RYR2: variants seen among roughly 807,000 people sequenced by gnomAD.
RYR2 encodes the protein cardiac muscle ryanodine receptor-calcium release channel.
RYR2 carries 227 observed loss-of-function variants against 601.1 expected under a neutral mutation model. That is an observed-to-expected ratio of 0.38 (90% CI 0.34 to 0.42). The LOEUF (loss-of-function observed/expected upper bound fraction) is 0.42. RYR2 is among the 10% of genes least tolerant of loss of function. RYR2 has a pLI of 1.00. For synonymous variants in RYR2, 2,223 were observed against 2,175.1 expected (o/e 1.02, Z -0.61); for missense variants, 4,646 against 6,156.5 (o/e 0.75, Z 8.21).
chr1:237,819,111 G>A lies in RYR2; in HGVS notation c.14509G>A (p.Asp4837Asn). 6.2e-7 allele frequency: 1 copy of A among 1,613,708 alleles called. No homozygotes were observed. Residue 4837 changes from aspartate (D) to asparagine (N), a missense_variant, in exon 101 of 105, where the codon GAT becomes AAT. Asp to Asn is a conservative substitution (Grantham distance 23). Around this residue, in one of 17 missense-constraint regions of RYR2, gnomAD observed 55 missense variants for 204.7 expected, o/e 0.27. Transcript: ENST00000366574. This position sits in a 1 kb window ranked among gnomAD's most constrained non-coding sequence, Gnocchi z 4.0. ...GGATGAAATCGAAGACCCAGCAGGAGATGAATATGAGATCTATCGAATCAT... is the reference window on the plus strand; with the variant it reads ...GGATGAAATCGAAGACCCAGCAGGAAATGAATATGAGATCTATCGAATCAT... ...IGDEIEDPAG[D>N]EYEIYRIIFD...
At chr1:237,756,871 T>A (rs924557055) in intron 81 of RYR2, among the ~76,000 whole-genome samples, 3 of 152,214 alleles carry the variant, frequency 2.0e-5, no homozygotes, top group Non-Finnish European at 4.4e-5. Context: ...AAGCTGTAAT[T>A]TTTTTATGTA....
chr1:237,064,751 CTTTTTTTTTTTTTTTTTTTTT>C (rs551797601), intron 1 of RYR2, among the ~76,000 whole-genome samples: 1 of 110,010 alleles, frequency 9.1e-6, no homozygotes, highest in South Asian at 3.2e-4. Flanking sequence ...TAGAACCTGT[CTTTTTTTTTTTTTTTTTTTTT>C]TTTTTTTTTT....
intron 1 of RYR2, among the ~76,000 whole-genome samples, chr1:237,244,613 T>C (rs1288101666): frequency 6.6e-6 from 1 of 152,180 alleles, no homozygotes; most frequent in Non-Finnish European, 1.5e-5. Flanking sequence ...AGCTGAAATA[T>C]AAAATCCAGC....
At chr1:237,255,859 G>GTA (rs1382936242) in intron 1 of RYR2, among the ~76,000 whole-genome samples, 2 of 151,836 alleles carry the variant, frequency 1.3e-5, no homozygotes, top group African/African-American at 4.8e-5. Flanking sequence ...GTGTGTGTGT[G>GTA]TGTGTGTGTG....
At chr1:237,550,713 C>T (rs759090165) in intron 27 of RYR2, 22 bp downstream of exon 27, 2 of 1,537,362 alleles carry the variant, frequency 1.3e-6, no homozygotes, top group Non-Finnish European at 8.8e-7. Context: ...TTACTTTCCT[C>T]TTCTTCGGTT....
rs576892402 is a variant in RYR2, at chr1:237,819,767, A to G, written c.14590+575A>G. Among the ~76,000 whole-genome samples, 1,247 of 151,686 alleles carry G rather than the reference A, an allele frequency of 8.2e-3. 18 individuals carry two copies. Among genetic ancestry groups the G allele is most frequent in the Middle Eastern group, 0.01 (3 of 288 alleles). ...CGGGAGGTGGAGGTTGCAGTGAGCC[A>G]AGATCACGCCACTGCACTCCAGCCT... On this transcript the variant is annotated intron_variant, in intron 101 of 104. Coordinates refer to ENST00000366574, the MANE Select transcript of RYR2 (RefSeq NM_001035.3). The surrounding 1 kb of genome is among the most constrained non-coding windows in gnomAD (Gnocchi z 4.0).
At chr1:237,599,182 AG>A (rs1676220063) in intron 34 of RYR2, among the ~76,000 whole-genome samples, 2 of 152,158 alleles carry the variant, frequency 1.3e-5, no homozygotes, top group African/African-American at 4.8e-5. Context: ...ATGGGGGAAA[AG>A]TTGAAAGCTT....
At chr1:237,123,768 C>T (rs1429289373) in intron 1 of RYR2, among the ~76,000 whole-genome samples, 3 of 150,198 alleles carry the variant, frequency 2.0e-5, no homozygotes, top group Non-Finnish European at 3.0e-5. Flanking sequence ...CCCGGGTTCA[C>T]GCCATTCTCC....
chr1:237,350,443 TG>T (rs1473862189), intron 3 of RYR2, among the ~76,000 whole-genome samples: 1 of 150,666 alleles, frequency 6.6e-6, no homozygotes, highest in African/African-American at 2.4e-5. Context: ...TGGTGGTGTG[TG>T]CCTGCAATCC....
intron 87 of RYR2, among the ~76,000 whole-genome samples, chr1:237,777,049 G>A (rs1157188660): frequency 1.3e-5 from 2 of 152,034 alleles, no homozygotes; most frequent in East Asian, 3.9e-4. Flanking sequence ...TCTAATACCA[G>A]ACCTTATGCT....
intron 80 of RYR2, among the ~76,000 whole-genome samples, chr1:237,751,267 A>G (rs967743187): frequency 6.6e-6 from 1 of 152,194 alleles, no homozygotes; most frequent in Non-Finnish European, 1.5e-5. Context: ...GTGCTTTTTA[A>G]GGCTTAAACA....
chr1:237,663,264 T>C (rs960556510), intron 56 of RYR2, among the ~76,000 whole-genome samples: 13 of 152,228 alleles, frequency 8.5e-5, no homozygotes, highest in African/African-American at 3.1e-4. Context: ...GTTAAACCTC[T>C]TCGTCTTTTT....
Position 237,352,954 on chromosome 1 carries a change from A to G in RYR2, c.274-3011A>G, listed in dbSNP as rs1194857345. The G allele has an allele frequency of 4.6e-6, 2 of 439,154 alleles. 1 individual carries two copies. Among genetic ancestry groups the G allele is most frequent in the Admixed American group, 5.0e-5 (2 of 39,836 alleles). 27.2% of individuals were successfully genotyped at this position (439,154 alleles called of 1,614,324 possible). ...AGGTATGTCGCAACTTTCATGGGAA[A>G]GGCAAAATAATGAACTTTCTAGAAA... On this transcript the variant is annotated intron_variant, in intron 3 of 104. Coordinates refer to ENST00000366574, the MANE Select transcript of RYR2 (RefSeq NM_001035.3).
chr1:237,547,081 C>T (rs1025833369), intron 25 of RYR2, among the ~76,000 whole-genome samples: 1 of 151,012 alleles, frequency 6.6e-6, no homozygotes, highest in Non-Finnish European at 1.5e-5. Context: ...TCTCTCCTCA[C>T]TGCAATCTCT....
chr1:237,094,072 G>A lies in RYR2; in HGVS notation c.48+51503G>A, dbSNP rs111246345. Among the ~76,000 whole-genome samples the A allele has an allele frequency of 5.0e-3, 754 of 152,318 alleles. 11 individuals carry two copies. The highest frequency in any genetic ancestry group is 0.017 in the African/African-American group (719 of 41,570). ...GAAGGGCCAGTGGGGCAGGCGAGCT[G>A]GCCTGACTCCCTTCTTCGAGTCCTC... is the stretch of plus-strand genomic sequence containing the variant. On this transcript the variant is annotated intron_variant, in intron 1 of 104. Coordinates refer to ENST00000366574, the MANE Select transcript of RYR2 (RefSeq NM_001035.3).
chr1:237,350,629 ATATATC>A (rs200504813), intron 3 of RYR2, among the ~76,000 whole-genome samples: 8,541 of 122,246 alleles, frequency 0.07, 555 homozygotes, highest in East Asian at 0.21. Flanking sequence ...ATATATATAT[ATATATC>A]TCTGACCTCT....
At chr1:237,430,417 G>A (rs1054893546) in intron 12 of RYR2, among the ~76,000 whole-genome samples, 2 of 151,702 alleles carry the variant, frequency 1.3e-5, no homozygotes, top group Admixed American at 6.6e-5. Context: ...AATATTAAAG[G>A]TATTACAAAT....
intron 62 of RYR2, among the ~76,000 whole-genome samples, chr1:237,682,841 C>T (rs1252690927): frequency 6.6e-6 from 1 of 152,000 alleles, no homozygotes; most frequent in African/African-American, 2.4e-5. Flanking sequence ...AAATGAGGTG[C>T]ATAATAAAAG....
chr1:237,308,476 C>G (rs772330940), intron 2 of RYR2, among the ~76,000 whole-genome samples: 12 of 152,190 alleles, frequency 7.9e-5, no homozygotes, highest in Non-Finnish European at 1.2e-4. Context: ...TCCCTTGGAT[C>G]TGGATTTGTG....
Sources: gnomAD v4.1 joint callset for allele counts (sites outside exome capture counted in the v4.1 genomes callset) on GRCh38, gnomAD v4.1.1 for gene constraint, gnomAD v4.1.1 regional missense constraint, Gnocchi (gnomAD v3.1) non-coding constraint, MANE v1.5 for transcripts, NCBI Gene and HGNC (gene_info 2026-07-23, HGNC 2026-07-21) for gene names.